TMEM192: variants seen among roughly 807,000 people sequenced by gnomAD.
TMEM192 encodes the protein transmembrane protein 192.
Under a neutral mutation model 26.7 loss-of-function variants are expected in TMEM192, and 20 were observed. That is an observed-to-expected ratio of 0.75 (90% CI 0.53 to 1.09). TMEM192 has a LOEUF of 1.09. Ranked by LOEUF, TMEM192 falls within the 50% of genes least tolerant of loss-of-function variation. The probability of loss-of-function intolerance (pLI) is 0.00; values close to 1 mark genes in which losing one functional copy is unlikely to be tolerated. For synonymous variants in TMEM192, 124 were observed against 121.0 expected, an observed-to-expected ratio of 1.02 and a Z score of -0.16; for missense variants, 304 against 322.6, an observed-to-expected ratio of 0.94 and a Z score of 0.44.
In TMEM192 at chr4:165,103,118, A is replaced by G. The variant is rs753634757; in HGVS notation, c.28-22T>C. ...AACCCTGGGGTGCAGAAAAACAAGC[A>G]ACCTATAATCACCACTTTCTAGATT... On this transcript the variant is annotated intron_variant, in intron 1 of 5. Coordinates refer to ENST00000306480, the MANE Select transcript of TMEM192 (RefSeq NM_001100389.2). 16 of 1,587,642 alleles carry G rather than the reference A, an allele frequency of 1.0e-5. No homozygotes were observed. In the African/African-American group the frequency reaches 2.2e-4, roughly 21 times the overall value.
chr4:165,087,728 T>G (rs1175035400), intron 4 of TMEM192, among the ~76,000 whole-genome samples: 2 of 152,222 alleles, frequency 1.3e-5, no homozygotes, highest in South Asian at 2.1e-4. Flanking sequence ...TCACCTGAGG[T>G]CAGGAGTTAG....
chr4:165,074,932 G>A lies in TMEM192; in HGVS notation c.*4726C>T, dbSNP rs1336615631. On this transcript the variant is annotated 3_prime_UTR_variant, in exon 6 of 6. Transcript: ENST00000306480. ...TATCCTGGGACAATAATAAGCAAAG[G>A]ACTTGAATATACATGTCATAAAAGA... The A allele has an allele frequency of 6.6e-6, 1 of 152,108 alleles. No homozygotes were observed. The highest frequency in any genetic ancestry group is 2.4e-5 in the African/African-American group (1 of 41,418). 9.4% of individuals were successfully genotyped at this position (152,108 alleles called of 1,614,324 possible).
intron 5 of TMEM192, among the ~76,000 whole-genome samples, chr4:165,085,087 C>G (rs1734579508): frequency 6.6e-6 from 1 of 152,078 alleles, no homozygotes; most frequent in South Asian, 2.1e-4. Flanking sequence ...CCAGCCTGAC[C>G]AACATGGAGA....
chr4:165,077,068 T>A lies in TMEM192; in HGVS notation c.*2590A>T, dbSNP rs1468056902. The stretch of plus-strand genomic sequence containing the variant: ...CACCTGCCTCAGCCTCCCGAAGTGC[T>A]GGGATTACAGGCGTAAGCCACTGCA... On this transcript the variant is annotated 3_prime_UTR_variant, in exon 6 of 6. Coordinates refer to ENST00000306480, the MANE Select transcript of TMEM192 (RefSeq NM_001100389.2). 1 of 152,278 alleles carries A rather than the reference T, an allele frequency of 6.6e-6. No individual in the cohort carries two copies. Among genetic ancestry groups the A allele is most frequent in the Non-Finnish European group, 1.5e-5 (1 of 68,054 alleles). The allele number at this position is 152,278 out of a possible 1,614,324, so 9.4% of individuals were successfully genotyped here.
chr4:165,104,902 C>G (rs1285372210), intron 1 of TMEM192, among the ~76,000 whole-genome samples: 4 of 152,122 alleles, frequency 2.6e-5, no homozygotes, highest in Non-Finnish European at 5.9e-5. Flanking sequence ...TCAGATTACT[C>G]CTGTTCTCTT....
At chr4:165,100,162 CTTT>C (rs35075062) in intron 3 of TMEM192, among the ~76,000 whole-genome samples, 5 of 134,726 alleles carry the variant, frequency 3.7e-5, no homozygotes, top group Admixed American at 7.7e-5. Context: ...AATAAAAGTT[CTTT>C]TTTTTTTTTT....
intron 1 of TMEM192, 109 bp downstream of exon 1, chr4:165,112,638 G>GGCCGCA: frequency 5.3e-6 from 8 of 1,496,800 alleles, no homozygotes; most frequent in Non-Finnish European, 7.2e-6. Context: ...CTTCGGCCGC[G>GGCCGCA]GCCGCAGTCG....
chr4:165,097,437 T>C lies in TMEM192; in HGVS notation c.439+3191A>G, dbSNP rs183937690. On this transcript the variant is annotated intron_variant, in intron 3 of 5. Coordinates refer to ENST00000306480, the MANE Select transcript of TMEM192 (RefSeq NM_001100389.2). The stretch of plus-strand genomic sequence containing the variant: ...TGAACCCGGGAGGCGGAGCTTGCAG[T>C]GAGCCGAGATAGCGCCACTGCACTC... 9.1e-3 allele frequency among the ~76,000 whole-genome samples: 1,248 copies of C among 137,848 alleles called. 4 individuals are homozygous for C. The highest frequency in any genetic ancestry group is 0.049 in the Middle Eastern group (12 of 246). The allele number at this position is 137,848 out of a possible 152,430, so 90.4% of individuals were successfully genotyped here.
chr4:165,072,557 C>CAAA lies in TMEM192; in HGVS notation c.*7100_*7101insTTT. ...GGGCAACAGAGCGAGACTCCCTCCC[C>CAAA]CAAAAAAAAAAAACAAAACCAAAAA... On this transcript the variant is annotated 3_prime_UTR_variant, in exon 6 of 6. Transcript: ENST00000306480. The CAAA allele has an allele frequency of 2.0e-5, 1 of 50,552 alleles. No individual in the cohort carries two copies. The highest frequency in any genetic ancestry group is 5.2e-5 in the Non-Finnish European group (1 of 19,060). The allele number at this position is 50,552 out of a possible 1,614,324, so 3.1% of individuals were successfully genotyped here.
intron 3 of TMEM192, among the ~76,000 whole-genome samples, chr4:165,088,996 G>A (rs556041004): frequency 5.4e-4 from 73 of 136,218 alleles, no homozygotes; most frequent in African/African-American, 1.9e-3. Context: ...AGCTGAGGTC[G>A]TGTCACTGCA....
intron 3 of TMEM192, among the ~76,000 whole-genome samples, chr4:165,099,259 G>T (rs1578909861): frequency 6.7e-6 from 1 of 149,908 alleles, no homozygotes. Flanking sequence ...GCTAATTTTT[G>T]TGTTTTTAGT....
chr4:165,092,691 G>A (rs1431852985), intron 3 of TMEM192, among the ~76,000 whole-genome samples: 1 of 152,034 alleles, frequency 6.6e-6, no homozygotes, highest in Non-Finnish European at 1.5e-5. Context: ...TCCTGAGAGG[G>A]AAAACGCTGT....
intron 3 of TMEM192, among the ~76,000 whole-genome samples, chr4:165,091,280 C>T (rs1265160770): frequency 1.3e-5 from 2 of 151,904 alleles, no homozygotes; most frequent in African/African-American, 2.4e-5. Context: ...AAAAAAAATA[C>T]AGAAGTATGG....
intron 3 of TMEM192, among the ~76,000 whole-genome samples, chr4:165,097,234 C>T (rs945852169): frequency 9.2e-5 from 14 of 152,116 alleles, no homozygotes; most frequent in African/African-American, 3.4e-4. Flanking sequence ...GTGGCTCATG[C>T]CTGTAATCCC....
chr4:165,109,690 A>G (rs1344727905), intron 1 of TMEM192, among the ~76,000 whole-genome samples: 1 of 152,244 alleles, frequency 6.6e-6, no homozygotes, highest in Non-Finnish European at 1.5e-5. Flanking sequence ...AAACAAAGCT[A>G]GCATTGAAAA....
intron 1 of TMEM192, among the ~76,000 whole-genome samples, chr4:165,111,917 C>T (rs1391563350): frequency 1.3e-5 from 2 of 152,094 alleles, no homozygotes; most frequent in Non-Finnish European, 2.9e-5. Context: ...TTCTCAAGAG[C>T]AAAAATTTTA....
In TMEM192 at chr4:165,111,487, T is replaced by A. The variant is rs189612275; in HGVS notation, c.27+1260A>T. Among the ~76,000 whole-genome samples, 170 of 152,008 alleles carry A rather than the reference T, an allele frequency of 1.1e-3. 1 individual carries two copies. Among genetic ancestry groups the A allele is most frequent in the African/African-American group, 4.0e-3 (167 of 41,412 alleles). On this transcript the variant is annotated intron_variant, in intron 1 of 5. Transcript: ENST00000306480. ...CCAAGAACGCCAGAGCAGCTTAGCA[T>A]CAACCAAGAAGCACTTACTGCATGT...
chr4:165,108,098 A>C (rs1274441963), intron 1 of TMEM192, among the ~76,000 whole-genome samples: 1 of 74,516 alleles, frequency 1.3e-5, no homozygotes, highest in Admixed American at 1.3e-4. Flanking sequence ...GGTGCTGGGT[A>C]TTTTCTGTAT....
rs545436751 is a variant in TMEM192 at position 165,084,291 on chromosome 4, C to T, written c.677+1295G>A. Among the ~76,000 whole-genome samples, 9 of 151,638 alleles carry T rather than the reference C, an allele frequency of 5.9e-5. No individual in the cohort carries two copies. The South Asian group carries it at 8.4e-4, about 14-fold the overall frequency. On this transcript the variant is annotated intron_variant, in intron 5 of 5. Coordinates refer to ENST00000306480, the MANE Select transcript of TMEM192 (RefSeq NM_001100389.2). Reference sequence around the variant, plus strand: ...TTGGCTCACTGCAACCTCTGTCTCCCGGGTTCAAGCGATTCTCCTGCCTCA... The same window carrying T: ...TTGGCTCACTGCAACCTCTGTCTCCTGGGTTCAAGCGATTCTCCTGCCTCA...
Sources: gnomAD v4.1 joint callset for allele counts (sites outside exome capture counted in the v4.1 genomes callset) on GRCh38, gnomAD v4.1.1 for gene constraint, MANE v1.5 for transcripts, NCBI Gene and HGNC (gene_info 2026-07-23, HGNC 2026-07-21) for gene names.